GABRB1: variants seen among roughly 807,000 people sequenced by gnomAD.
GABRB1 encodes the protein gamma-aminobutyric acid receptor subunit beta-1.
A neutral mutation model predicts 51.6 loss-of-function variants in GABRB1; 17 were observed. That is an observed-to-expected ratio of 0.33 (90% CI 0.23 to 0.49). The LOEUF is 0.49. Among genes scored for constraint, GABRB1 ranks in the 20% least tolerant of loss-of-function variants. The pLI is 0.99. For synonymous variants in GABRB1, 247 were observed against 218.9 expected, an observed-to-expected ratio of 1.13 and a Z score of -1.14; for missense variants, 410 against 600.6, an observed-to-expected ratio of 0.68 and a Z score of 3.32.
chr4:46,998,725 CTCTG>C (rs1336826497), intron 1 of GABRB1, among the ~76,000 whole-genome samples: 2 of 118,012 alleles, frequency 1.7e-5, no homozygotes, highest in African/African-American at 3.3e-5. Context: ...CTGAGCAAGA[CTCTG>C]TCTAAAAAAA....
chr4:47,098,326 G>A (rs1452070913), intron 3 of GABRB1, among the ~76,000 whole-genome samples: 1 of 152,032 alleles, frequency 6.6e-6, no homozygotes, highest in African/African-American at 2.4e-5. Context: ...ACTCTGGGGG[G>A]TTATTGATTC....
chr4:47,379,197 T>A (rs183497545), intron 5 of GABRB1, among the ~76,000 whole-genome samples: 1 of 152,306 alleles, frequency 6.6e-6, no homozygotes, highest in East Asian at 1.9e-4. Flanking sequence ...TACTGTACTA[T>A]ACTCTACTAT....
intron 3 of GABRB1, among the ~76,000 whole-genome samples, chr4:47,042,188 A>T (rs1725875111): frequency 6.6e-6 from 1 of 151,840 alleles, no homozygotes; most frequent in Non-Finnish European, 1.5e-5. Context: ...AAAAATTGTT[A>T]GTAAATATAG....
intron 3 of GABRB1, among the ~76,000 whole-genome samples, chr4:47,100,796 A>T (rs1427385111): frequency 1.3e-5 from 2 of 152,000 alleles, no homozygotes; most frequent in Admixed American, 6.6e-5. Context: ...CTACCCAAAT[A>T]TGAGTATCAA....
At chr4:47,300,617 C>T (rs148770945) in intron 4 of GABRB1, among the ~76,000 whole-genome samples, 27 of 151,932 alleles carry the variant, frequency 1.8e-4, no homozygotes, top group Non-Finnish European at 3.7e-4. Context: ...GAGGTAAAGA[C>T]CTTTTTAAAT....
chr4:47,237,736 A>G (rs1006467089), intron 4 of GABRB1, among the ~76,000 whole-genome samples: 4 of 152,062 alleles, frequency 2.6e-5, no homozygotes, highest in Admixed American at 2.6e-4. Flanking sequence ...AGATAGGCAC[A>G]GCCACACATA....
chr4:47,005,569 G>A (rs1043838710), intron 1 of GABRB1, among the ~76,000 whole-genome samples: 6 of 151,560 alleles, frequency 4.0e-5, no homozygotes, highest in African/African-American at 1.5e-4. Context: ...AGAGAAAGTA[G>A]TAAAGCAATG....
At chr4:47,338,353 A>G (rs1725770963) in intron 5 of GABRB1, among the ~76,000 whole-genome samples, 1 of 152,184 alleles carries the variant, frequency 6.6e-6, no homozygotes, top group African/African-American at 2.4e-5. Context: ...AGATGACTAC[A>G]TCCTAGTCCG....
intron 4 of GABRB1, among the ~76,000 whole-genome samples, chr4:47,195,469 A>ATT (rs1719645166): frequency 6.1e-5 from 5 of 81,834 alleles, no homozygotes; most frequent in Non-Finnish European, 2.6e-5. Context: ...GATGATAGAT[A>ATT]GATAGATAGA....
chr4:47,136,061 G>A (rs1264278534), intron 3 of GABRB1, among the ~76,000 whole-genome samples: 1 of 152,090 alleles, frequency 6.6e-6, no homozygotes, highest in African/African-American at 2.4e-5. Flanking sequence ...CACAATCATA[G>A]CTCACTGAAG....
chr4:47,129,601 G>A lies in GABRB1; in HGVS notation c.241-31648G>A, dbSNP rs949018123. Among the ~76,000 whole-genome samples, 8 of 152,158 alleles carry A rather than the reference G, an allele frequency of 5.3e-5. No individual in the cohort carries two copies. The South Asian group carries it at 6.2e-4, about 12-fold the overall frequency. On this transcript the variant is annotated intron_variant, in intron 3 of 8. Coordinates refer to ENST00000295454, the MANE Select transcript of GABRB1 (RefSeq NM_000812.4). The stretch of plus-strand genomic sequence containing the variant: ...TAAACAAATAATTATATGAGCAATT[G>A]TAAATAGTTAATTAATGGCCATAAA...
Position 47,062,444 on chromosome 4 carries a change from CATAT to C in GABRB1, c.240+29973_240+29976del, listed in dbSNP as rs67644869. Among the ~76,000 whole-genome samples the C allele has an allele frequency of 1.1e-3, 164 of 148,112 alleles. 1 individual carries two copies. The highest frequency in any genetic ancestry group is 3.7e-3 in the African/African-American group (150 of 40,464). ...ACAATGTTCTTTGGTTATATATTTTCATATATATATATATATTTAAATGTTAACT... is the reference window on the plus strand; with the variant it reads ...ACAATGTTCTTTGGTTATATATTTTCATATATATATATTTAAATGTTAACT... On this transcript the variant is annotated intron_variant, in intron 3 of 8. Coordinates refer to ENST00000295454, the MANE Select transcript of GABRB1 (RefSeq NM_000812.4).
At chr4:47,152,066 C>A (rs747881554) in intron 3 of GABRB1, among the ~76,000 whole-genome samples, 6 of 151,860 alleles carry the variant, frequency 4.0e-5, no homozygotes, top group Non-Finnish European at 7.4e-5. Context: ...TTGTCATCTC[C>A]TGGAAATCTG....
chr4:47,019,549 T>TTATCTCTC, intron 1 of GABRB1, among the ~76,000 whole-genome samples: 1 of 128,896 alleles, frequency 7.8e-6, no homozygotes, highest in South Asian at 2.6e-4. Context: ...CAGGTTTAGT[T>TTATCTCTC]TCTCTCTCTC....
chr4:47,088,219 G>A (rs1728157475), intron 3 of GABRB1, among the ~76,000 whole-genome samples: 1 of 152,192 alleles, frequency 6.6e-6, no homozygotes, highest in Non-Finnish European at 1.5e-5. Flanking sequence ...AATTAGGGAA[G>A]ATTCACAGTG....
chr4:47,303,389 T>C (rs1279136372), intron 4 of GABRB1, among the ~76,000 whole-genome samples: 1 of 64,594 alleles, frequency 1.5e-5, no homozygotes, highest in Admixed American at 1.9e-4. Context: ...TCTCTCTCTA[T>C]ATATATATAT....
At chr4:47,316,170 C>T (rs1393842731) in intron 4 of GABRB1, among the ~76,000 whole-genome samples, 1 of 151,644 alleles carries the variant, frequency 6.6e-6, no homozygotes, top group Non-Finnish European at 1.5e-5. Flanking sequence ...ATATAATTTA[C>T]CATCTTTACT....
intron 3 of GABRB1, among the ~76,000 whole-genome samples, chr4:47,099,307 G>C (rs984448237): frequency 1.3e-5 from 2 of 152,076 alleles, no homozygotes; most frequent in African/African-American, 4.8e-5. Flanking sequence ...GAAAAGCTGA[G>C]AATCACTGCT....
At chr4:47,297,043 G>A (rs1033575963) in intron 4 of GABRB1, among the ~76,000 whole-genome samples, 2 of 152,090 alleles carry the variant, frequency 1.3e-5, no homozygotes, top group African/African-American at 4.8e-5. Flanking sequence ...CAGAAATAAA[G>A]ATGTTCTTTG....
Sources: allele counts gnomAD v4.1 joint callset (sites outside exome capture counted in the v4.1 genomes callset), GRCh38; gene constraint gnomAD v4.1.1; transcripts MANE v1.5; gene names NCBI Gene and HGNC (gene_info 2026-07-23, HGNC 2026-07-21).